Variants in PAICS observed in about 807,000 individuals in gnomAD.
PAICS encodes phosphoribosylaminoimidazole carboxylase and phosphoribosylaminoimidazolesuccinocarboxamide synthase, also known as bifunctional phosphoribosylaminoimidazole carboxylase/phosphoribosylaminoimidazole succinocarboxamide synthetase.
Under a neutral mutation model 53.7 loss-of-function variants are expected in PAICS, and 33 were observed. That is an observed-to-expected ratio of 0.61 (90% CI 0.47 to 0.82). PAICS has a LOEUF of 0.82. PAICS is among the 40% of genes least tolerant of loss of function. The pLI, the probability that PAICS is intolerant of heterozygous loss-of-function variation, is 0.00. For missense variants in PAICS, 394 were observed against 494.1 expected (o/e 0.80, Z 1.92); for synonymous variants, 141 against 167.2 (o/e 0.84, Z 1.21).
At chr4:56,435,981 C>G, upstream of PAICS, 1 of 1,518,230 alleles carries the variant, frequency 6.6e-7, no homozygotes, top group Admixed American at 1.7e-5. Context: ...CCGGGGTATG[C>G]GAGCTTCCGC....
At chr4:56,438,265 T>C (rs7688482) in intron 1 of PAICS, among the ~76,000 whole-genome samples, 20,054 of 151,300 alleles carry the variant, frequency 0.13, 1,700 homozygotes, top group East Asian at 0.27. Context: ...TTTATTTATA[T>C]TATTTTTCCC....
chr4:56,425,849 G>C, the PAICS span, among the ~76,000 whole-genome samples: 1 of 152,176 alleles, frequency 6.6e-6, no homozygotes, highest in Non-Finnish European at 1.5e-5. Context: ...CTGGCTTAGA[G>C]GAAGATTTGG....
chr4:56,439,914 T>G (rs1028725099), intron 1 of PAICS, among the ~76,000 whole-genome samples: 1 of 152,212 alleles, frequency 6.6e-6, no homozygotes, highest in African/African-American at 2.4e-5. Context: ...TGTGAGCCAC[T>G]GCACCTGGCC....
chr4:56,456,105 T>C lies in PAICS; in HGVS notation c.1111+2344T>C, dbSNP rs938906650. On this transcript the variant is annotated intron_variant, in intron 8 of 8. Transcript: ENST00000512576. ...CCCTTCTATTGAGTTTTTCTTTTTT[T>C]TCTTGAGACGGAGTCGGGCTCTCTT... Among the ~76,000 whole-genome samples the C allele has an allele frequency of 2.2e-4, 34 of 152,316 alleles. 1 individual carries two copies. Among genetic ancestry groups the C allele is most frequent in the Admixed American group, 2.1e-3 (32 of 15,298 alleles).
intron 3 of PAICS, among the ~76,000 whole-genome samples, chr4:56,447,783 A>T (rs987238102): frequency 7.2e-5 from 11 of 152,194 alleles, no homozygotes; most frequent in African/African-American, 2.7e-4. Flanking sequence ...TAAACAAATT[A>T]AGAGTAATAG....
rs893296857 is a variant in PAICS at position 56,461,773 on chromosome 4, A to G, written c.*2235A>G. ...GTATTTCTACTGTTTTGTAAAAGTA[A>G]CTTAAGCCTACCTGGTCTGCTATCT... is the stretch of plus-strand genomic sequence containing the variant. On this transcript the variant is annotated 3_prime_UTR_variant, in exon 9 of 9. Coordinates refer to ENST00000512576, the MANE Select transcript of PAICS (RefSeq NM_001079524.2). 1.3e-5 allele frequency: 2 copies of G among 152,210 alleles called. No homozygotes were observed. The highest frequency in any genetic ancestry group is 4.8e-5 in the African/African-American group (2 of 41,448). 9.4% of individuals were successfully genotyped at this position (152,210 alleles called of 1,614,324 possible).
upstream of PAICS, chr4:56,435,285 G>T (rs948127213): frequency 6.2e-7 from 1 of 1,602,264 alleles, no homozygotes; most frequent in South Asian, 1.1e-5. Context: ...TGAGAACGCC[G>T]ACTGCGGGAA....
At chr4:56,435,533 A>G (rs1578142301), upstream of PAICS, 4 of 1,610,816 alleles carry the variant, frequency 2.5e-6, no homozygotes, top group Non-Finnish European at 3.4e-6. Context: ...TGTAAGCACC[A>G]ACCAGCTGCC....
intron 2 of PAICS, among the ~76,000 whole-genome samples, chr4:56,444,568 A>G (rs1479620465): frequency 6.6e-6 from 1 of 152,088 alleles, no homozygotes; most frequent in East Asian, 1.9e-4. Context: ...TGACATAAAC[A>G]TTTTTTAGTA....
the PAICS span, chr4:56,425,340 C>A: frequency 2.8e-6 from 1 of 352,586 alleles, no homozygotes; most frequent in Non-Finnish European, 4.0e-6. Flanking sequence ...ATATGAAACA[C>A]AATACTGAGA....
At chr4:56,436,046 C>T, upstream of PAICS, 1 of 1,515,504 alleles carries the variant, frequency 6.6e-7, no homozygotes, top group East Asian at 2.5e-5. Context: ...GGGCACTGCG[C>T]CAGCGCGGGG....
At chr4:56,427,399 T>G in the PAICS span, among the ~76,000 whole-genome samples, 906 of 152,366 alleles carry the variant, frequency 5.9e-3, 6 homozygotes, top group Middle Eastern at 0.027. Flanking sequence ...ATATGGCATA[T>G]GCTGAAAGTT....
the PAICS span, among the ~76,000 whole-genome samples, chr4:56,413,025 G>A: frequency 1.3e-5 from 2 of 151,906 alleles, no homozygotes; most frequent in African/African-American, 2.4e-5. Flanking sequence ...CCACCCCCAT[G>A]CAAATGATAC....
intron 2 of PAICS, among the ~76,000 whole-genome samples, chr4:56,445,443 C>G (rs1718563893): frequency 6.6e-6 from 1 of 151,990 alleles, no homozygotes; most frequent in Non-Finnish European, 1.5e-5. Context: ...AAAAATTAGC[C>G]AGGCGTGGTG....
At chr4:56,424,751 A>G in the PAICS span, among the ~76,000 whole-genome samples, 1 of 152,200 alleles carries the variant, frequency 6.6e-6, no homozygotes, top group African/African-American at 2.4e-5. Flanking sequence ...CTTATCACCT[A>G]CCTGTCTCTT....
chr4:56,419,687 G>A, the PAICS span: 1 of 983,792 alleles, frequency 1.0e-6, no homozygotes. Flanking sequence ...AAGGAGGAAA[G>A]CACTGGACTG....
At position 56,446,224 on chromosome 4, in the gene PAICS, A is replaced by T; in HGVS notation, c.215-471A>T. ...TGTGCATTCACAATGTTGTACATTC[A>T]TCCCATTATCCATTTCCAGAACTTT... On this transcript the variant is annotated intron_variant, in intron 2 of 8. Coordinates refer to ENST00000512576, the MANE Select transcript of PAICS (RefSeq NM_001079524.2). The T allele has an allele frequency of 5.1e-6, 3 of 585,396 alleles. 1 individual carries two copies. The South Asian group carries it at 6.8e-5, about 13-fold the overall frequency. 36.3% of individuals were successfully genotyped at this position (585,396 alleles called of 1,614,324 possible).
intron 8 of PAICS, 101 bp downstream of exon 8, chr4:56,453,862 T>C (rs1578159129): frequency 2.8e-6 from 2 of 724,790 alleles, no homozygotes; most frequent in East Asian, 2.8e-5. Context: ...ACCCATGACC[T>C]AGCTTCAGCA....
At chr4:56,457,708 C>T (rs1719294559) in intron 8 of PAICS, among the ~76,000 whole-genome samples, 1 of 149,300 alleles carries the variant, frequency 6.7e-6, no homozygotes, top group Non-Finnish European at 1.5e-5. Flanking sequence ...TCCTGTTGCC[C>T]AGGCTAGAAT....
Sources: gnomAD v4.1 joint callset for allele counts (sites outside exome capture counted in the v4.1 genomes callset) on GRCh38, gnomAD v4.1.1 for gene constraint, MANE v1.5 for transcripts, NCBI Gene and HGNC (gene_info 2026-07-23, HGNC 2026-07-21) for gene names.